Variants in WDSUB1 observed in about 807,000 individuals in gnomAD.
WDSUB1 encodes WD repeat, sterile alpha motif and U-box domain containing 1, also known as WD repeat, SAM and U-box domain-containing protein 1.
A neutral mutation model predicts 53.9 loss-of-function variants in WDSUB1; 49 were observed. That is an observed-to-expected ratio of 0.91 (90% CI 0.72 to 1.15). The LOEUF is 1.15. Among genes scored for constraint, WDSUB1 ranks in the 50% most tolerant of loss-of-function variants. The pLI, the probability that WDSUB1 is intolerant of heterozygous loss-of-function variation, is 0.00. For synonymous variants in WDSUB1, 194 were observed against 200.6 expected (o/e 0.97, Z 0.28); for missense variants, 514 against 562.0 (o/e 0.91, Z 0.86).
At chr2:159,246,397 A>C (rs1317232588) in intron 10 of WDSUB1, among the ~76,000 whole-genome samples, 1 of 145,894 alleles carries the variant, frequency 6.9e-6, no homozygotes, top group Non-Finnish European at 1.5e-5. Context: ...ACACCACTGC[A>C]CTCCAGCCTG....
At chr2:159,256,798 C>T (rs1296386380) in intron 8 of WDSUB1, among the ~76,000 whole-genome samples, 2 of 152,248 alleles carry the variant, frequency 1.3e-5, no homozygotes, top group Non-Finnish European at 2.9e-5. Flanking sequence ...GTGCCAATGT[C>T]GCTTGATGCC....
At chr2:159,252,752 G>T (rs2060977509) in intron 9 of WDSUB1, among the ~76,000 whole-genome samples, 2 of 152,118 alleles carry the variant, frequency 1.3e-5, no homozygotes, top group Admixed American at 1.3e-4. Flanking sequence ...AAAACCCGAG[G>T]ATACTAAGAC....
chr2:159,282,078 C>A (rs940020817), intron 2 of WDSUB1, among the ~76,000 whole-genome samples: 3 of 147,488 alleles, frequency 2.0e-5, no homozygotes, highest in African/African-American at 5.0e-5. Context: ...AAAAAAAAAA[C>A]CATAAAAGTC....
intron 8 of WDSUB1, 43 bp downstream of exon 8, chr2:159,257,715 G>T: frequency 6.5e-7 from 1 of 1,541,106 alleles, no homozygotes; most frequent in Non-Finnish European, 9.0e-7. Flanking sequence ...GACCCTAATG[G>T]TGAGTGGGGT....
intron 9 of WDSUB1, among the ~76,000 whole-genome samples, chr2:159,252,381 A>G (rs750500252): frequency 2.0e-5 from 3 of 152,160 alleles, no homozygotes; most frequent in Admixed American, 6.5e-5. Flanking sequence ...GAACCCTACA[A>G]TATACGTGAG....
chr2:159,241,940 A>T (rs2060661047), intron 10 of WDSUB1, among the ~76,000 whole-genome samples: 3 of 147,482 alleles, frequency 2.0e-5, no homozygotes, highest in Non-Finnish European at 4.4e-5. Context: ...TAACATCCAT[A>T]CCAGGAAATG....
chr2:159,236,759 G>A (rs1380043239), intron 10 of WDSUB1, among the ~76,000 whole-genome samples: 2 of 152,124 alleles, frequency 1.3e-5, no homozygotes, highest in African/African-American at 4.8e-5. Context: ...CCAAGTAGCT[G>A]GGATCACAGG....
chr2:159,283,394 G>A (rs1049606348), intron 1 of WDSUB1, among the ~76,000 whole-genome samples: 4 of 152,104 alleles, frequency 2.6e-5, no homozygotes, highest in Admixed American at 1.3e-4. Context: ...AATAGGGTTT[G>A]TGGATGCCTG....
At chr2:159,273,531 C>G (rs1463613753) in intron 4 of WDSUB1, among the ~76,000 whole-genome samples, 1 of 152,054 alleles carries the variant, frequency 6.6e-6, no homozygotes, top group Non-Finnish European at 1.5e-5. Context: ...AGTGATTCTC[C>G]TGACTCAGGC....
intron 5 of WDSUB1, among the ~76,000 whole-genome samples, chr2:159,261,877 TATATATATATATATATATA>T (rs1380453060): frequency 3.8e-3 from 63 of 16,406 alleles, no homozygotes; most frequent in African/African-American, 7.3e-3. Context: ...TATATATATA[TATATATATATATATATATA>T]TTTTTTTTTT....
Position 159,271,707 on chromosome 2 carries a change from G to A in WDSUB1, c.765C>T (p.Val255=). The A allele has an allele frequency of 6.2e-7, 1 of 1,613,800 alleles. No individual in the cohort carries two copies. Among genetic ancestry groups the A allele is most frequent in the South Asian group, 1.1e-5 (1 of 91,066 alleles). The change falls in exon 5 of 11, where the codon GTC becomes GTT. Residue 255 remains valine (V), a synonymous_variant. Transcript: ENST00000359774. ...AATTAAACCAACTAGCTTACCCTGA[G>A]ACTAGCATCTGCCCATCATGGGAAA... The part of the protein sequence containing the change: ...CAFSHDGQML[V]SGSVDKSVIV...
chr2:159,254,754 A>C (rs1193969576), intron 9 of WDSUB1, among the ~76,000 whole-genome samples: 1 of 152,172 alleles, frequency 6.6e-6, no homozygotes, highest in Non-Finnish European at 1.5e-5. Flanking sequence ...TAAGATGCTA[A>C]ATTTGTGAGT....
At chr2:159,254,771 T>G (rs960355977) in intron 9 of WDSUB1, among the ~76,000 whole-genome samples, 1 of 152,188 alleles carries the variant, frequency 6.6e-6, no homozygotes, top group African/African-American at 2.4e-5. Context: ...GAGTTTTTTT[T>G]AAAAACAAAG....
chr2:159,284,694 G>A (rs1177455286), intron 1 of WDSUB1, among the ~76,000 whole-genome samples: 1 of 152,110 alleles, frequency 6.6e-6, no homozygotes, highest in Non-Finnish European at 1.5e-5. Context: ...GCCAGACCAC[G>A]CTCAAGAACA....
intron 9 of WDSUB1, among the ~76,000 whole-genome samples, chr2:159,254,834 T>C (rs1232331096): frequency 6.6e-6 from 1 of 152,050 alleles, no homozygotes; most frequent in Non-Finnish European, 1.5e-5. Flanking sequence ...AAGGAAATGT[T>C]TTATTACAGA....
chr2:159,265,203 G>C (rs973911548), intron 5 of WDSUB1, among the ~76,000 whole-genome samples: 5 of 151,800 alleles, frequency 3.3e-5, no homozygotes, highest in Non-Finnish European at 5.9e-5. Context: ...GAAGTGGGAT[G>C]ACTGTTTGAG....
intron 9 of WDSUB1, among the ~76,000 whole-genome samples, chr2:159,253,153 T>G (rs2151080684): frequency 6.6e-6 from 1 of 152,330 alleles, no homozygotes; most frequent in East Asian, 1.9e-4. Context: ...GTGACTTTCC[T>G]ACTCTTAACC....
chr2:159,273,529 TC>T (rs1390304562), intron 4 of WDSUB1, among the ~76,000 whole-genome samples: 1 of 152,100 alleles, frequency 6.6e-6, no homozygotes, highest in Non-Finnish European at 1.5e-5. Flanking sequence ...CAAGTGATTC[TC>T]CTGACTCAGG....
Position 159,257,674 on chromosome 2 carries a change from C to T in WDSUB1, c.952+84G>A, listed in dbSNP as rs189633231. Reference sequence around the variant, plus strand: ...AAGTGCTGGGATTACAGGTGTGAGCCGCGGTGCCCAGCCCGATTTACTAAC... The same window carrying T: ...AAGTGCTGGGATTACAGGTGTGAGCTGCGGTGCCCAGCCCGATTTACTAAC... On this transcript the variant is annotated intron_variant, in intron 8 of 10. Coordinates refer to ENST00000359774, the MANE Select transcript of WDSUB1 (RefSeq NM_001128212.3). 76 of 1,211,964 alleles carry T rather than the reference C, an allele frequency of 6.3e-5. No individual in the cohort carries two copies. In the African/African-American group the frequency reaches 8.8e-4, roughly 14 times the overall value. The allele number at this position is 1,211,964 out of a possible 1,614,324, so 75.1% of individuals were successfully genotyped here.
Sources: allele counts gnomAD v4.1 joint callset (sites outside exome capture counted in the v4.1 genomes callset), GRCh38; gene constraint gnomAD v4.1.1; transcripts MANE v1.5; gene names NCBI Gene and HGNC (gene_info 2026-07-23, HGNC 2026-07-21).